The following TMEM232 variants were observed in gnomAD, a reference collection of about 807,000 sequenced individuals.
The protein encoded by TMEM232 is transmembrane protein 232.
In TMEM232, 80 loss-of-function variants were observed where a neutral mutation model predicts 78.8. That is an observed-to-expected ratio of 1.01 (90% CI 0.85 to 1.22). TMEM232 has a LOEUF of 1.22. TMEM232 is among the 50% of genes most tolerant of loss of function. The probability of loss-of-function intolerance (pLI) is 0.00; values close to 1 mark genes in which losing one functional copy is unlikely to be tolerated. For missense variants in TMEM232, 881 were observed against 742.2 expected, an observed-to-expected ratio of 1.19 and a Z score of -2.17; for synonymous variants, 297 against 254.3, an observed-to-expected ratio of 1.17 and a Z score of -1.60.
chr5:110,727,053 T>C (rs1798223036), upstream of TMEM232, among the ~76,000 whole-genome samples: 1 of 152,158 alleles, frequency 6.6e-6, no homozygotes, highest in Non-Finnish European at 1.5e-5. Context: ...CATAGAAAAT[T>C]TGGAGCAGTC....
At chr5:110,455,613 C>T (rs770285791) in intron 12 of TMEM232, among the ~76,000 whole-genome samples, 2 of 151,858 alleles carry the variant, frequency 1.3e-5, no homozygotes, top group Non-Finnish European at 2.9e-5. Flanking sequence ...CTCCTGACCT[C>T]GTTATCCACC....
At chr5:110,503,831 A>G (rs905054496) in intron 12 of TMEM232, among the ~76,000 whole-genome samples, 1 of 152,218 alleles carries the variant, frequency 6.6e-6, no homozygotes, top group African/African-American at 2.4e-5. Context: ...TGGTTATGAA[A>G]TGACTGTGCA....
intron 8 of TMEM232, among the ~76,000 whole-genome samples, chr5:110,613,183 C>A (rs1381540519): frequency 6.6e-6 from 1 of 152,132 alleles, no homozygotes; most frequent in Non-Finnish European, 1.5e-5. Flanking sequence ...TCCTTGAGCC[C>A]TTTTGTGGAT....
intron 12 of TMEM232, among the ~76,000 whole-genome samples, chr5:110,444,209 C>T (rs1167401594): frequency 1.3e-5 from 2 of 152,082 alleles, no homozygotes; most frequent in Non-Finnish European, 2.9e-5. Flanking sequence ...TTACCTCGGA[C>T]CCTAGAGCAC....
At chr5:110,410,315 C>T (rs748145177) in intron 2 of TMEM232, among the ~76,000 whole-genome samples, 17 of 152,284 alleles carry the variant, frequency 1.1e-4, no homozygotes, top group South Asian at 2.1e-4. Flanking sequence ...CTCATGCATA[C>T]GGTATTTTGG....
chr5:110,406,931 T>C (rs1265579552), intron 2 of TMEM232, among the ~76,000 whole-genome samples: 1 of 152,094 alleles, frequency 6.6e-6, no homozygotes, highest in East Asian at 1.9e-4. Context: ...AAATAACTTG[T>C]TATGTCTTTA....
chr5:110,480,113 T>C (rs544472293), intron 12 of TMEM232, among the ~76,000 whole-genome samples: 1 of 151,948 alleles, frequency 6.6e-6, no homozygotes, highest in East Asian at 1.9e-4. Flanking sequence ...TTAAAGCTTA[T>C]TTTATATGCT....
intron 12 of TMEM232, among the ~76,000 whole-genome samples, chr5:110,466,962 A>G (rs554152876): frequency 6.6e-6 from 1 of 152,124 alleles, no homozygotes; most frequent in East Asian, 1.9e-4. Context: ...ATCTGGAAGG[A>G]GCACACTAAA....
intron 6 of TMEM232, among the ~76,000 whole-genome samples, chr5:110,626,978 G>C (rs1392463816): frequency 6.6e-6 from 1 of 151,854 alleles, no homozygotes; most frequent in Non-Finnish European, 1.5e-5. Flanking sequence ...CTCGCCCTCG[G>C]CCACATTAAC....
chr5:110,399,560 A>G (rs763053181), intron 2 of TMEM232, among the ~76,000 whole-genome samples: 2 of 152,022 alleles, frequency 1.3e-5, no homozygotes, highest in Non-Finnish European at 2.9e-5. Context: ...AAATCAGTCT[A>G]CACTCCTTAC....
intron 8 of TMEM232, among the ~76,000 whole-genome samples, chr5:110,609,093 C>T (rs1257772462): frequency 1.3e-5 from 2 of 151,986 alleles, no homozygotes; most frequent in African/African-American, 4.8e-5. Context: ...CTTCTTACTC[C>T]TCTATATCCA....
intron 2 of TMEM232, among the ~76,000 whole-genome samples, chr5:110,399,442 A>T (rs1401812088): frequency 6.6e-6 from 1 of 152,152 alleles, no homozygotes; most frequent in Non-Finnish European, 1.5e-5. Context: ...AATATGCTTA[A>T]TCCCTTTGGG....
intron 11 of TMEM232, among the ~76,000 whole-genome samples, chr5:110,540,399 T>C (rs575605404): frequency 2.3e-4 from 35 of 152,186 alleles, no homozygotes; most frequent in Admixed American, 1.9e-3. Flanking sequence ...CTCTAGATGA[T>C]GGAGGGAAGT....
At chr5:110,503,032 G>A (rs1766444953) in intron 12 of TMEM232, among the ~76,000 whole-genome samples, 1 of 152,158 alleles carries the variant, frequency 6.6e-6, no homozygotes, top group Middle Eastern at 3.2e-3. Context: ...AAGTTGGGGA[G>A]CATATTTTTC....
At chr5:110,431,069 C>G (rs1757785737) in intron 12 of TMEM232, among the ~76,000 whole-genome samples, 1 of 151,292 alleles carries the variant, frequency 6.6e-6, no homozygotes, top group Admixed American at 6.6e-5. Context: ...ACAGGGTTGA[C>G]AAAGCAAAAA....
chr5:110,692,983 T>A (rs1794317526), intron 1 of TMEM232, among the ~76,000 whole-genome samples: 1 of 152,150 alleles, frequency 6.6e-6, no homozygotes, highest in African/African-American at 2.4e-5. Flanking sequence ...CAGTTCGAGA[T>A]CTGAGAACAG....
chr5:110,580,538 G>A (rs72771431), intron 10 of TMEM232, among the ~76,000 whole-genome samples: 4 of 151,458 alleles, frequency 2.6e-5, no homozygotes, highest in Admixed American at 6.6e-5. Flanking sequence ...TTATTCTTAA[G>A]CAATGCATAA....
chr5:110,712,431 C>A (rs1364742707), intron 1 of TMEM232, among the ~76,000 whole-genome samples: 2 of 151,896 alleles, frequency 1.3e-5, no homozygotes, highest in African/African-American at 2.4e-5. Flanking sequence ...AAAAAGTAGG[C>A]AAAATATCTG....
intron 8 of TMEM232, among the ~76,000 whole-genome samples, chr5:110,610,261 A>AGGGAGGAAGGGAGGAAGGGAGGAG (rs1404111311): frequency 7.0e-6 from 1 of 143,468 alleles, no homozygotes; most frequent in Non-Finnish European, 1.5e-5. Flanking sequence ...GAAGGGAGGA[A>AGGGAGGAAGGGAGGAAGGGAGGAG]GGGAGGAAGG....
Sources: gnomAD v4.1 joint callset for allele counts (sites outside exome capture counted in the v4.1 genomes callset) on GRCh38, gnomAD v4.1.1 for gene constraint, MANE v1.5 for transcripts, NCBI Gene and HGNC (gene_info 2026-07-23, HGNC 2026-07-21) for gene names.